SCAPER: variants seen among roughly 807,000 people sequenced by gnomAD.
SCAPER encodes the protein S-phase cyclin A associated protein in the ER.
Under a neutral mutation model 182.2 loss-of-function variants are expected in SCAPER, and 98 were observed. The observed-to-expected ratio is 0.54, with a 90% CI of 0.46 to 0.64. SCAPER has a LOEUF of 0.64. SCAPER is among the 30% of genes least tolerant of loss of function. The pLI, the probability that SCAPER is intolerant of heterozygous loss-of-function variation, is 0.00. For missense variants in SCAPER, 1,432 were observed against 1,690.0 expected, an observed-to-expected ratio of 0.85 and a Z score of 2.68; for synonymous variants, 605 against 564.6, an observed-to-expected ratio of 1.07 and a Z score of -1.01.
At chr15:76,441,220 C>G (rs1186192851) in intron 25 of SCAPER, among the ~76,000 whole-genome samples, 1 of 152,076 alleles carries the variant, frequency 6.6e-6, no homozygotes, top group Non-Finnish European at 1.5e-5. Flanking sequence ...CGTGCCCAGC[C>G]TATTCTCCTT....
chr15:76,662,029 C>T (rs1030039189), intron 21 of SCAPER, among the ~76,000 whole-genome samples: 2 of 152,104 alleles, frequency 1.3e-5, no homozygotes, highest in African/African-American at 4.8e-5. Context: ...AGGTCCTTTG[C>T]AGGGACATGG....
At chr15:76,448,061 C>T (rs1363030615) in intron 25 of SCAPER, among the ~76,000 whole-genome samples, 5 of 152,122 alleles carry the variant, frequency 3.3e-5, no homozygotes, top group African/African-American at 1.2e-4. Context: ...CAGGAAGCTG[C>T]AGGTTGCTGG....
intron 22 of SCAPER, among the ~76,000 whole-genome samples, chr15:76,584,429 A>AATAAGTACAAACAT (rs2048484171): frequency 6.6e-6 from 1 of 152,226 alleles, no homozygotes; most frequent in African/African-American, 2.4e-5. Flanking sequence ...TTGTGACATT[A>AATAAGTACAAACAT]AGAGAGGATA....
At chr15:76,763,008 A>G (rs925537398) in intron 14 of SCAPER, among the ~76,000 whole-genome samples, 5 of 152,136 alleles carry the variant, frequency 3.3e-5, no homozygotes, top group African/African-American at 1.2e-4. Context: ...CCACCCTTAC[A>G]GTATTATGTT....
At chr15:76,560,706 A>C (rs986998781) in intron 23 of SCAPER, among the ~76,000 whole-genome samples, 4 of 152,286 alleles carry the variant, frequency 2.6e-5, no homozygotes, top group African/African-American at 9.6e-5. Context: ...AAATGATTTA[A>C]TTTATTCTAG....
At chr15:76,675,830 G>GTT (rs1001781244) in intron 20 of SCAPER, among the ~76,000 whole-genome samples, 4 of 144,864 alleles carry the variant, frequency 2.8e-5, no homozygotes, top group East Asian at 2.0e-4. Context: ...CATGAAACTG[G>GTT]TTTTTTTTTT....
intron 30 of SCAPER, among the ~76,000 whole-genome samples, chr15:76,351,607 T>C (rs2040553389): frequency 6.6e-6 from 1 of 152,180 alleles, no homozygotes; most frequent in African/African-American, 2.4e-5. Context: ...TTTTAAAAAG[T>C]ACAAATATGA....
chr15:76,838,370 T>G (rs35557205), intron 5 of SCAPER, among the ~76,000 whole-genome samples: 56,727 of 152,030 alleles, frequency 0.37, 12,483 homozygotes, highest in Middle Eastern at 0.53. Context: ...GAAACAAATA[T>G]GAGAATAGGA....
chr15:76,798,704 G>C (rs2065521753), intron 7 of SCAPER, among the ~76,000 whole-genome samples: 1 of 152,090 alleles, frequency 6.6e-6, no homozygotes, highest in Admixed American at 6.6e-5. Flanking sequence ...AATAACAGCT[G>C]ATTTCCCATC....
intron 1 of SCAPER, among the ~76,000 whole-genome samples, chr15:76,890,669 A>G (rs1463023251): frequency 6.6e-6 from 1 of 152,226 alleles, no homozygotes; most frequent in Non-Finnish European, 1.5e-5. Flanking sequence ...AATCGAGGCA[A>G]TAATTAAGAG....
chr15:76,442,456 T>C (rs2047680277), intron 25 of SCAPER, among the ~76,000 whole-genome samples: 1 of 152,222 alleles, frequency 6.6e-6, no homozygotes, highest in Non-Finnish European at 1.5e-5. Flanking sequence ...CTTTGGTGTG[T>C]TGGGAGCACT....
At chr15:76,503,660 G>A (rs952600702) in intron 24 of SCAPER, among the ~76,000 whole-genome samples, 13 of 152,138 alleles carry the variant, frequency 8.5e-5, no homozygotes, top group Non-Finnish European at 1.8e-4. Flanking sequence ...AGGTGAATAT[G>A]ATTACATTTA....
chr15:76,732,065 G>A (rs1452877879), intron 16 of SCAPER, among the ~76,000 whole-genome samples: 3 of 152,032 alleles, frequency 2.0e-5, no homozygotes, highest in Non-Finnish European at 2.9e-5. Context: ...ACTGATGACC[G>A]TAACTGAAAG....
chr15:76,661,985 G>A (rs1336345488), intron 21 of SCAPER, among the ~76,000 whole-genome samples: 1 of 152,156 alleles, frequency 6.6e-6, no homozygotes, highest in African/African-American at 2.4e-5. Flanking sequence ...TATACACCAT[G>A]GAATACTATA....
At chr15:76,551,583 G>A (rs1404038474) in intron 23 of SCAPER, among the ~76,000 whole-genome samples, 2 of 152,084 alleles carry the variant, frequency 1.3e-5, no homozygotes. Flanking sequence ...GAAGAGATTG[G>A]TCAATGGTTA....
chr15:76,522,107 TTCA>T (rs2042880840), intron 23 of SCAPER, among the ~76,000 whole-genome samples: 1 of 152,202 alleles, frequency 6.6e-6, no homozygotes, highest in Admixed American at 6.5e-5. Flanking sequence ...TACGTTCCTA[TTCA>T]TCAAAGTAGA....
chr15:76,403,153 G>A (rs897829501), intron 27 of SCAPER, among the ~76,000 whole-genome samples: 2 of 152,218 alleles, frequency 1.3e-5, no homozygotes, highest in African/African-American at 2.4e-5. Flanking sequence ...CCTCCATGGA[G>A]GGGCCTGGCC....
chr15:76,667,539 T>A (rs2056673048), intron 20 of SCAPER, among the ~76,000 whole-genome samples: 1 of 147,332 alleles, frequency 6.8e-6, no homozygotes, highest in South Asian at 2.1e-4. Flanking sequence ...CTCCTCGAAT[T>A]GCCTGAAACC....
rs1469862974 is a variant in SCAPER at position 76,674,894 on chromosome 15, TA to T, written c.2509-9106del. ...AAGTAACATAAGAAAAGGCAAAAATTAAAATTTCTCACTAGATGATTGTGAC... is the reference window on the plus strand; with the variant it reads ...AAGTAACATAAGAAAAGGCAAAAATTAAATTTCTCACTAGATGATTGTGAC... On this transcript the variant is annotated intron_variant, in intron 20 of 31. Coordinates refer to ENST00000563290, the MANE Select transcript of SCAPER (RefSeq NM_020843.4). Among the ~76,000 whole-genome samples the T allele has an allele frequency of 3.9e-5, 6 of 152,354 alleles. No individual in the cohort carries two copies. In the East Asian group the frequency reaches 1.2e-3, roughly 29 times the overall value.
Sources: allele counts gnomAD v4.1 joint callset (sites outside exome capture counted in the v4.1 genomes callset), GRCh38; gene constraint gnomAD v4.1.1; transcripts MANE v1.5; gene names NCBI Gene and HGNC (gene_info 2026-07-23, HGNC 2026-07-21).